Variants in MTUS1 observed in about 807,000 individuals in gnomAD.
MTUS1 encodes the protein microtubule associated scaffold protein 1, also known as microtubule-associated tumor suppressor 1.
A neutral mutation model predicts 120.8 loss-of-function variants in MTUS1; 109 were observed. The ratio of observed to expected loss-of-function variants is 0.90; its 90% CI spans 0.77 to 1.06. The LOEUF is 1.06. Ranked by LOEUF, MTUS1 falls within the 50% of genes least tolerant of loss-of-function variation. The probability of loss-of-function intolerance (pLI) is 0.00; values close to 1 mark genes in which losing one functional copy is unlikely to be tolerated. For missense variants in MTUS1, 2,210 were observed against 1,486.3 expected (o/e 1.49, Z -8.01); for synonymous variants, 737 against 550.5 (o/e 1.34, Z -4.74).
intron 8 of MTUS1, among the ~76,000 whole-genome samples, chr8:17,667,176 A>G (rs934322597): frequency 8.5e-5 from 13 of 152,334 alleles, no homozygotes; most frequent in African/African-American, 2.6e-4. Context: ...ACAGCCAACC[A>G]AAGTCCAAAT....
intron 6 of MTUS1, chr8:17,697,519 A>G: frequency 7.1e-7 from 1 of 1,398,774 alleles, no homozygotes; most frequent in Non-Finnish European, 9.3e-7. Flanking sequence ...TCATTCCACC[A>G]GAGAGGCATA....
intron 6 of MTUS1, among the ~76,000 whole-genome samples, chr8:17,692,719 T>C (rs1264326276): frequency 1.9e-4 from 29 of 152,024 alleles, no homozygotes; most frequent in Admixed American, 1.8e-3. Context: ...ATAACTTGGG[T>C]GCTGGGCTTA....
chr8:17,733,675 CTCT>C (rs1331847865), intron 3 of MTUS1, among the ~76,000 whole-genome samples: 2 of 152,284 alleles, frequency 1.3e-5, no homozygotes, highest in Non-Finnish European at 2.9e-5. Flanking sequence ...CTAGGTCAGC[CTCT>C]TCTTTGTTGA....
chr8:17,674,761 C>T, intron 8 of MTUS1: 1 of 999,136 alleles, frequency 1.0e-6, no homozygotes. Context: ...AGCATCCTTT[C>T]AACTTCATAC....
intron 6 of MTUS1, chr8:17,697,132 C>A: frequency 8.1e-7 from 1 of 1,228,176 alleles, no homozygotes; most frequent in Non-Finnish European, 1.1e-6. Flanking sequence ...TAAGCCTCAT[C>A]TCTCATTAGA....
At chr8:17,656,102 T>G in intron 8 of MTUS1, 37 bp from the exon 9 acceptor site, 1 of 1,591,630 alleles carries the variant, frequency 6.3e-7, no homozygotes, top group Non-Finnish European at 8.6e-7. Flanking sequence ...AAGAGGTCAT[T>G]TTATTTGTGA....
rs780864473 is a variant in MTUS1, at chr8:17,654,655, T to G, written c.3120A>C (p.Leu1040Phe). 6.2e-7 allele frequency: 1 copy of G among 1,613,420 alleles called. No individual in the cohort carries two copies. Among genetic ancestry groups the G allele is most frequent in the East Asian group, 2.2e-5 (1 of 44,884 alleles). The change falls in exon 10 of 15, where the codon TTA becomes TTC. Residue 1040 changes from leucine to phenylalanine, a missense_variant. Transcript: ENST00000693296. Reference sequence around the variant, plus strand: ...ACTTAGAGGTTTCATGCGCAGCATTTAAGTTGTCAAACTGTAAGCAACAAA... The same window carrying G: ...ACTTAGAGGTTTCATGCGCAGCATTGAAGTTGTCAAACTGTAAGCAACAAA... ...KMQLQEQFDN[L>F]NAAHETSKLE...
chr8:17,700,745 G>A (rs75873247), intron 6 of MTUS1, among the ~76,000 whole-genome samples: 3,076 of 151,590 alleles, frequency 0.02, 43 homozygotes, highest in Non-Finnish European at 0.035. Flanking sequence ...TTAAGTGTTA[G>A]AATAATTTTA....
At chr8:17,771,038 T>G (rs1020373460) in intron 1 of MTUS1, among the ~76,000 whole-genome samples, 2 of 152,158 alleles carry the variant, frequency 1.3e-5, no homozygotes, top group Admixed American at 6.5e-5. Context: ...TATAATATAA[T>G]TGGAATTTAG....
intron 2 of MTUS1, 42 bp downstream of exon 2, chr8:17,753,675 C>A (rs1221606896): frequency 7.4e-7 from 1 of 1,350,420 alleles, no homozygotes. Context: ...GTTTTCTCCA[C>A]AGTTCTCTGA....
intron 1 of MTUS1, among the ~76,000 whole-genome samples, chr8:17,758,453 T>C (rs1438969065): frequency 6.6e-6 from 1 of 152,254 alleles, no homozygotes; most frequent in Non-Finnish European, 1.5e-5. Flanking sequence ...TTTTACCATA[T>C]AACTCCTTAG....
intron 2 of MTUS1, among the ~76,000 whole-genome samples, chr8:17,750,749 C>A (rs1219679417): frequency 6.6e-6 from 1 of 152,198 alleles, no homozygotes; most frequent in African/African-American, 2.4e-5. Flanking sequence ...AGTGCCTGAC[C>A]CAGAGCAAGC....
chr8:17,676,314 T>C (rs1813099647), intron 7 of MTUS1: 5 of 703,086 alleles, frequency 7.1e-6, no homozygotes, highest in South Asian at 1.5e-5. Context: ...CACAGTTTGC[T>C]GCTGGGGCAG....
At chr8:17,716,859 G>A (rs1030089822) in intron 4 of MTUS1, among the ~76,000 whole-genome samples, 2 of 152,122 alleles carry the variant, frequency 1.3e-5, no homozygotes, top group Non-Finnish European at 2.9e-5. Context: ...TAGCCTGTTT[G>A]TTTCCAAATA....
rs1464503480 is a variant in MTUS1, at chr8:17,644,131, T to C, written c.*1795A>G. The C allele has an allele frequency of 6.6e-6, 1 of 152,202 alleles. No individual in the cohort carries two copies. Among genetic ancestry groups the C allele is most frequent in the African/African-American group, 2.4e-5 (1 of 41,440 alleles). The allele number at this position is 152,202 out of a possible 1,614,324, so 9.4% of individuals were successfully genotyped here. A position where few individuals can be genotyped will look rare whatever the true frequency, so the allele number is the denominator to read the frequency against. On this transcript the variant is annotated 3_prime_UTR_variant, in exon 15 of 15. Transcript: ENST00000693296. ...GCAAACCCAACTTTGGCTAATGTCA[T>C]TGAGAACAACTTGGAAGCGTGAGCA... is the stretch of plus-strand genomic sequence containing the variant.
At chr8:17,750,589 G>T (rs537884323) in intron 2 of MTUS1, among the ~76,000 whole-genome samples, 10 of 152,298 alleles carry the variant, frequency 6.6e-5, no homozygotes, top group African/African-American at 2.4e-4. Context: ...TTTACCAGCT[G>T]TGTGAGTTTT....
At chr8:17,782,319 C>T (rs1448847064) in intron 1 of MTUS1, among the ~76,000 whole-genome samples, 3 of 152,268 alleles carry the variant, frequency 2.0e-5, no homozygotes, top group African/African-American at 4.8e-5. Flanking sequence ...TAAATATTCC[C>T]TTGTGCTATT....
chr8:17,658,435 C>T (rs927107158), intron 8 of MTUS1, among the ~76,000 whole-genome samples: 1 of 152,154 alleles, frequency 6.6e-6, no homozygotes, highest in Non-Finnish European at 1.5e-5. Flanking sequence ...TATATGTACA[C>T]ACACTACAAT....
chr8:17,767,922 G>A (rs764708357), intron 1 of MTUS1, among the ~76,000 whole-genome samples: 16 of 152,076 alleles, frequency 1.1e-4, no homozygotes, highest in African/African-American at 1.4e-4. Flanking sequence ...GAGACTAGAC[G>A]CACGAAACTG....
Sources: allele counts gnomAD v4.1 joint callset (sites outside exome capture counted in the v4.1 genomes callset), GRCh38; gene constraint gnomAD v4.1.1; transcripts MANE v1.5; gene names NCBI Gene and HGNC (gene_info 2026-07-23, HGNC 2026-07-21).